CFAP65: variants seen among roughly 807,000 people sequenced by gnomAD.
CFAP65 encodes the protein cilia- and flagella-associated protein 65.
CFAP65 carries 155 observed loss-of-function variants against 208.0 expected under a neutral mutation model. That is an observed-to-expected ratio of 0.75 (90% CI 0.65 to 0.85). CFAP65 has a LOEUF of 0.85. CFAP65 is among the 40% of genes least tolerant of loss of function. The pLI is 0.00. For synonymous variants in CFAP65, 970 were observed against 986.3 expected, an observed-to-expected ratio of 0.98 and a Z score of 0.31; for missense variants, 2,294 against 2,451.3, an observed-to-expected ratio of 0.94 and a Z score of 1.36.
chr2:219,013,296 A>G lies in CFAP65; in HGVS notation c.3920T>C (p.Ile1307Thr), dbSNP rs765593374. Reference protein sequence around the residue: ...VHFTSTTHQFIPIPIGDTLPP... With the variant: ...VHFTSTTHQFTPIPIGDTLPP... ...TAGCGTGTCACCAATGGGAATGGGG[A>G]TGAACTGGTGGGTAGTAGAGGTGAA... is the stretch of plus-strand genomic sequence containing the variant. Residue 1307 changes from isoleucine to threonine, a missense_variant, in exon 24 of 35, where the codon ATC becomes ACC. Ile to Thr is a moderately conservative substitution (Grantham distance 89). Coordinates refer to ENST00000341552, the MANE Select transcript of CFAP65 (RefSeq NM_194302.4). The G allele has an allele frequency of 1.2e-6, 2 of 1,613,900 alleles. No individual in the cohort carries two copies. Among genetic ancestry groups the G allele is most frequent in the African/African-American group, 2.7e-5 (2 of 74,910 alleles).
chr2:219,021,146 A>G lies in CFAP65; in HGVS notation c.3259+6T>C, dbSNP rs989379990. Reference sequence around the variant, plus strand: ...CCCGACTCTCTATGCCAGGCAGTCTAGGTACCTCTGTGGGAAAGGAGAGAG... The same window carrying G: ...CCCGACTCTCTATGCCAGGCAGTCTGGGTACCTCTGTGGGAAAGGAGAGAG... On this transcript the variant is annotated splice_donor_region_variant and intron_variant, in intron 19 of 34. Coordinates refer to ENST00000341552, the MANE Select transcript of CFAP65 (RefSeq NM_194302.4). 3.2e-6 allele frequency: 5 copies of G among 1,548,056 alleles called. No individual in the cohort carries two copies. Among genetic ancestry groups the G allele is most frequent in the Admixed American group, 1.9e-5 (1 of 53,788 alleles).
Position 219,009,947 on chromosome 2 carries a change from C to CA in CFAP65, c.4446dup (p.Gly1483TrpfsTer15). On this transcript the variant is annotated frameshift_variant, in exon 27 of 35. Transcript: ENST00000341552. LOFTEE classifies it high-confidence loss of function. ...AGGGCTCAGGGGACTCTCACCTCCC[C>CA]AAAATCTAGAGGACTTGGCTGCCAG... 6.2e-7 allele frequency: 1 copy of CA among 1,608,856 alleles called. No individual in the cohort carries two copies. The highest frequency in any genetic ancestry group is 2.2e-5 in the East Asian group (1 of 44,848).
In CFAP65 at chr2:219,024,066, C is replaced by T. The variant is rs773825971; in HGVS notation, c.2544G>A (p.Trp848Ter). The change falls in exon 15 of 35, where the codon TGG (tryptophan) becomes TGA (stop). Residue 848 changes from tryptophan to a stop codon, truncating the protein, a stop_gained. Coordinates refer to ENST00000341552, the MANE Select transcript of CFAP65 (RefSeq NM_194302.4). LOFTEE classifies it high-confidence loss of function. ...LICTYPEGSS[W>*]KQHTFYLQCN... ...ACTGCAGATAGAAAGTGTGCTGCTTCCAGGAGCTGCCCTCAGGGTAGGTGC... is the reference window on the plus strand; with the variant it reads ...ACTGCAGATAGAAAGTGTGCTGCTTTCAGGAGCTGCCCTCAGGGTAGGTGC... The T allele has an allele frequency of 3.1e-6, 5 of 1,614,058 alleles. No individual in the cohort carries two copies. Among genetic ancestry groups the T allele is most frequent in the South Asian group, 1.1e-5 (1 of 91,082 alleles).
In CFAP65 at chr2:219,005,471, T is replaced by G. The variant is rs776110056; in HGVS notation, c.5014A>C (p.Lys1672Gln). Residue 1672 changes from lysine to glutamine, a missense_variant, in exon 32 of 35, where the codon AAG becomes CAG. Lys to Gln is a moderately conservative substitution (Grantham distance 53). This residue lies in a region of CFAP65 where 1,427 missense variants were observed against 1,438.7 expected (regional missense o/e 0.99). Coordinates refer to ENST00000341552, the MANE Select transcript of CFAP65 (RefSeq NM_194302.4). ...NKWGPVSKQK[K>Q]QLLVDILTTI... is the part of the protein sequence containing the mutation. ...GTGAGAATGTCAACCAGGAGCTGCT[T>G]CTTCTGCTTGGAAACAGGGCCCCAC... 1.7e-5 allele frequency: 27 copies of G among 1,613,674 alleles called. No individual in the cohort carries two copies. The highest frequency in any genetic ancestry group is 1.6e-4 in the East Asian group (7 of 44,862).
intron 21 of CFAP65, among the ~76,000 whole-genome samples, chr2:219,016,558 G>T (rs1405626066): frequency 6.6e-6 from 1 of 152,096 alleles, no homozygotes; most frequent in East Asian, 1.9e-4. Context: ...GCCTCCCAAA[G>T]TGCTGAGATT....
At position 219,002,878 on chromosome 2, in the gene CFAP65, G is replaced by C. The variant is rs1176488990; in HGVS notation, c.*59C>G. 15 of 1,404,980 alleles carry C rather than the reference G, an allele frequency of 1.1e-5. No homozygotes were observed. Among genetic ancestry groups the C allele is most frequent in the Non-Finnish European group, 1.4e-5 (14 of 1,012,818 alleles). The allele number at this position is 1,404,980 out of a possible 1,614,324, so 87.0% of individuals were successfully genotyped here. A position where few individuals can be genotyped will look rare whatever the true frequency, so the allele number is the denominator to read the frequency against. On this transcript the variant is annotated 3_prime_UTR_variant, in exon 35 of 35. Transcript: ENST00000341552. The surrounding 1 kb of genome is among the most constrained non-coding windows in gnomAD (Gnocchi z 7.9). ...AAAAGACTAGATGCTTTTACTGGCGGTGGAGAGGGGGCCAGGCGTGACCCC... is the reference window on the plus strand; with the variant it reads ...AAAAGACTAGATGCTTTTACTGGCGCTGGAGAGGGGGCCAGGCGTGACCCC...
Position 219,021,158 on chromosome 2 carries a change from G to A in CFAP65, c.3253C>T (p.His1085Tyr). The A allele has an allele frequency of 6.4e-7, 1 of 1,561,738 alleles. No individual in the cohort carries two copies. The highest frequency in any genetic ancestry group is 1.2e-5 in the South Asian group (1 of 81,684). ...TGCCAGGCAGTCTAGGTACCTCTGT[G>A]GGAAAGGAGAGAGTAGGTGATGGTC... ...SWTITYSLLS[H>Y]RDNKAGEKQE... Residue 1085 changes from histidine (H) to tyrosine (Y), a missense_variant, in exon 19 of 35, where the codon CAC (histidine) becomes TAC (tyrosine). His to Tyr is a moderately conservative substitution (Grantham distance 83, BLOSUM62 2). Coordinates refer to ENST00000341552, the MANE Select transcript of CFAP65 (RefSeq NM_194302.4).
At chr2:219,026,686 C>T (rs1947652962) in intron 13 of CFAP65, 5 of 622,588 alleles carry the variant, frequency 8.0e-6, no homozygotes, top group Non-Finnish European at 1.0e-5. Flanking sequence ...GCATTTTACA[C>T]TCACGGCACG....
At chr2:219,018,203 G>A (rs1481825930) in intron 21 of CFAP65, 2 of 152,238 alleles carry the variant, frequency 1.3e-5, no homozygotes, top group Non-Finnish European at 2.9e-5. Flanking sequence ...CCTCTCCTAA[G>A]TCTGACCCAG....
intron 4 of CFAP65, among the ~76,000 whole-genome samples, chr2:219,037,730 G>A (rs1159856158): frequency 2.0e-5 from 3 of 152,140 alleles, no homozygotes; most frequent in African/African-American, 4.8e-5. Context: ...ATGGCACAGA[G>A]GACAGAGATG....
At position 219,013,345 on chromosome 2, in the gene CFAP65, T is replaced by A. The variant is rs1161025002; in HGVS notation, c.3871A>T (p.Lys1291Ter). The A allele has an allele frequency of 6.2e-7, 1 of 1,613,554 alleles. No individual in the cohort carries two copies. Among genetic ancestry groups the A allele is most frequent in the Non-Finnish European group, 8.5e-7 (1 of 1,179,800 alleles). Residue 1291 changes from lysine (K) to a stop codon, truncating the protein, a stop_gained, in exon 24 of 35, where the codon AAG becomes TAG. Transcript: ENST00000341552. LOFTEE classifies it high-confidence loss of function. The stretch of plus-strand genomic sequence containing the variant: ...AAGTGCACATACTTCTGCTCCGGCT[T>A]CACTGTCACACCTATGAAATTTAGC... ...ILLNFIGVTV[K>*]PEQKYVHFTS...
intron 18 of CFAP65, 73 bp from the exon 19 acceptor site, chr2:219,021,353 C>A (rs1297515262): frequency 6.9e-7 from 1 of 1,451,192 alleles, no homozygotes; most frequent in Admixed American, 2.5e-5. Flanking sequence ...TTTGTAGATA[C>A]CCTTCCCTGG....
chr2:219,016,939 C>G (rs1946929210), intron 21 of CFAP65, among the ~76,000 whole-genome samples: 1 of 152,268 alleles, frequency 6.6e-6, no homozygotes, highest in African/African-American at 2.4e-5. Flanking sequence ...GGTGTACACA[C>G]CAGGCCCTCT....
Position 219,019,170 on chromosome 2 carries a change from C to G in CFAP65, c.3483G>C (p.Gln1161His), listed in dbSNP as rs377383046. Reference protein sequence around the residue: ...YKVPTRHSMSQIPPVLTPLRL... With the variant: ...YKVPTRHSMSHIPPVLTPLRL... ...TTAAAGGGGTGAGGACGGGGGGGAT[C>G]TGGCTCATGCTGTGAGGAACAGAGA... Residue 1161 changes from glutamine to histidine, a missense_variant, in exon 21 of 35, where the codon CAG (glutamine) becomes CAC (histidine). Gln to His is a conservative substitution (Grantham distance 24). Transcript: ENST00000341552. 1.9e-5 allele frequency: 31 copies of G among 1,612,142 alleles called. No individual in the cohort carries two copies. The highest frequency in any genetic ancestry group is 2.7e-5 in the African/African-American group (2 of 74,900).
At chr2:219,037,924 G>C (rs1296548295) in intron 4 of CFAP65, among the ~76,000 whole-genome samples, 1 of 152,162 alleles carries the variant, frequency 6.6e-6, no homozygotes, top group Non-Finnish European at 1.5e-5. Context: ...AAAGTAAACA[G>C]TATCCATACA....
At chr2:219,012,933 C>G (rs359975) in intron 24 of CFAP65, among the ~76,000 whole-genome samples, 25,804 of 151,766 alleles carry the variant, frequency 0.17, 2,521 homozygotes, top group East Asian at 0.48. Context: ...TATGTATATA[C>G]TGGGGTGTAA....
intron 21 of CFAP65, among the ~76,000 whole-genome samples, chr2:219,016,117 T>C (rs892337439): frequency 6.6e-6 from 1 of 152,138 alleles, no homozygotes; most frequent in Non-Finnish European, 1.5e-5. Context: ...TTCTTACTTT[T>C]TTCCCATAGC....
intron 24 of CFAP65, among the ~76,000 whole-genome samples, chr2:219,011,666 T>C (rs1327269920): frequency 6.6e-6 from 1 of 152,246 alleles, no homozygotes; most frequent in Non-Finnish European, 1.5e-5. Flanking sequence ...AATCATAGAA[T>C]GTCCTAGAAG....
chr2:219,023,293 G>T lies in CFAP65; in HGVS notation c.2734C>A (p.Gln912Lys), dbSNP rs776720387. ...TFRNPSRLPL[Q>K]FEWRVSEQHR... ...TGCTCAGAGACCCTCCACTCGAACT[G>T]CAGGGGCAGACGCGAGGGGTTGCGG... Residue 912 changes from glutamine to lysine, a missense_variant, in exon 16 of 35, where the codon CAG becomes AAG. Coordinates refer to ENST00000341552, the MANE Select transcript of CFAP65 (RefSeq NM_194302.4). 6.2e-7 allele frequency: 1 copy of T among 1,613,406 alleles called. No individual in the cohort carries two copies. The highest frequency in any genetic ancestry group is 1.1e-5 in the South Asian group (1 of 90,868).
Sources: allele counts gnomAD v4.1 joint callset (sites outside exome capture counted in the v4.1 genomes callset), GRCh38; gene constraint gnomAD v4.1.1; regional missense constraint gnomAD v4.1.1; non-coding constraint Gnocchi (gnomAD v3.1); transcripts MANE v1.5; gene names NCBI Gene and HGNC (gene_info 2026-07-23, HGNC 2026-07-21).